Variants in UVRAG observed in about 807,000 individuals in gnomAD.
The protein encoded by UVRAG is UV radiation resistance-associated gene protein.
In UVRAG, 19 loss-of-function variants were observed where a neutral mutation model predicts 78.0. The ratio of observed to expected loss-of-function variants is 0.24; its 90% confidence interval spans 0.17 to 0.36. The LOEUF is 0.36. Among genes scored for constraint, UVRAG ranks in the 10% least tolerant of loss-of-function variants. UVRAG has a pLI of 1.00. For missense variants in UVRAG, 740 were observed against 853.8 expected (o/e 0.87, Z 1.66); for synonymous variants, 323 against 324.6 (o/e 1.00, Z 0.05).
intron 13 of UVRAG, among the ~76,000 whole-genome samples, chr11:76,092,508 T>C (rs1415040989): frequency 6.6e-6 from 1 of 152,246 alleles, no homozygotes; most frequent in Non-Finnish European, 1.5e-5. Context: ...TGTTGTTTCC[T>C]GACTTTTTAA....
intron 11 of UVRAG, among the ~76,000 whole-genome samples, chr11:76,010,877 A>C (rs1950038182): frequency 6.6e-6 from 1 of 152,112 alleles, no homozygotes; most frequent in Admixed American, 6.5e-5. Flanking sequence ...CACTATAAGG[A>C]GTTGATATTT....
intron 13 of UVRAG, among the ~76,000 whole-genome samples, chr11:76,091,241 C>T (rs1382184412): frequency 1.3e-5 from 2 of 152,076 alleles, no homozygotes; most frequent in African/African-American, 2.4e-5. Flanking sequence ...TTGATTCCCC[C>T]TTTTTGTATG....
chr11:75,964,696 T>C (rs1189781891), intron 7 of UVRAG, among the ~76,000 whole-genome samples: 1 of 152,128 alleles, frequency 6.6e-6, no homozygotes, highest in Non-Finnish European at 1.5e-5. Flanking sequence ...AGGTCAGGAG[T>C]TCGAGACCAG....
At chr11:76,103,957 TA>T (rs35753390) in intron 13 of UVRAG, among the ~76,000 whole-genome samples, 3,790 of 145,514 alleles carry the variant, frequency 0.026, 145 homozygotes, top group African/African-American at 0.086. Context: ...CTTCTCTGAT[TA>T]AAAAAAAAAA....
chr11:76,033,876 C>G (rs1361455909), intron 12 of UVRAG, among the ~76,000 whole-genome samples: 1 of 152,128 alleles, frequency 6.6e-6, no homozygotes, highest in African/African-American at 2.4e-5. Context: ...AAGAGAAACT[C>G]TCATCCTTTG....
chr11:75,973,904 C>T (rs1591080359), intron 7 of UVRAG, among the ~76,000 whole-genome samples: 3 of 152,336 alleles, frequency 2.0e-5, no homozygotes, highest in Admixed American at 2.0e-4. Context: ...TTTATGGCTG[C>T]ATAGTATTCC....
At chr11:75,930,943 C>CTTTCTTTCTTTCT (rs1244286444) in intron 6 of UVRAG, 45 of 144,820 alleles carry the variant, frequency 3.1e-4, no homozygotes, top group Non-Finnish European at 6.3e-4. Flanking sequence ...TTCTTTCTTT[C>CTTTCTTTCTTTCT]TTTCTTTCTT....
chr11:75,972,765 G>C lies in UVRAG; in HGVS notation c.700-10622G>C, dbSNP rs146450871. 3.2e-3 allele frequency among the ~76,000 whole-genome samples: 486 copies of C among 152,154 alleles called. 2 individuals carry two copies. The highest frequency in any genetic ancestry group is 0.011 in the African/African-American group (457 of 41,478). On this transcript the variant is annotated intron_variant, in intron 7 of 14. Coordinates refer to ENST00000356136, the MANE Select transcript of UVRAG (RefSeq NM_003369.4). ...GTCTTTTGCCTTTATATAAACTTTA[G>C]AATCAGTTTTGATATTAACAAAATA... is the stretch of plus-strand genomic sequence containing the variant.
At chr11:75,881,547 G>A (rs1286608814) in intron 4 of UVRAG, among the ~76,000 whole-genome samples, 1 of 152,204 alleles carries the variant, frequency 6.6e-6, no homozygotes, top group Admixed American at 6.5e-5. Flanking sequence ...CCCCCAAGCA[G>A]TTTCCAGCTT....
At chr11:76,058,029 CAT>C (rs1389396622) in intron 12 of UVRAG, among the ~76,000 whole-genome samples, 1 of 151,966 alleles carries the variant, frequency 6.6e-6, no homozygotes, top group Non-Finnish European at 1.5e-5. Flanking sequence ...TAACACTTAT[CAT>C]AGCCAACCAA....
intron 6 of UVRAG, among the ~76,000 whole-genome samples, chr11:75,919,663 C>T (rs975067314): frequency 2.6e-5 from 4 of 152,208 alleles, no homozygotes; most frequent in African/African-American, 9.7e-5. Flanking sequence ...AGCTAGCCAA[C>T]TTGGCCAAAG....
At chr11:75,958,436 T>A (rs1166941421) in intron 6 of UVRAG, among the ~76,000 whole-genome samples, 1 of 152,190 alleles carries the variant, frequency 6.6e-6, no homozygotes, top group Admixed American at 6.5e-5. Flanking sequence ...GAGTAGATTC[T>A]ATCTCAAAAA....
intron 12 of UVRAG, among the ~76,000 whole-genome samples, chr11:76,042,104 G>A (rs1950657111): frequency 6.6e-6 from 1 of 152,116 alleles, no homozygotes; most frequent in East Asian, 1.9e-4. Context: ...ATATAAAGAT[G>A]TTTAGTACAT....
chr11:75,943,246 C>A (rs1229099732), intron 6 of UVRAG, among the ~76,000 whole-genome samples: 1 of 150,446 alleles, frequency 6.6e-6, no homozygotes, highest in Non-Finnish European at 1.5e-5. Context: ...GGTTTTCAAC[C>A]TCTTATTGAG....
intron 14 of UVRAG, chr11:76,137,156 C>G (rs1388596587): frequency 5.9e-6 from 2 of 337,908 alleles, no homozygotes; most frequent in Non-Finnish European, 1.2e-5. Context: ...GCCCGCCACG[C>G]AAATCCTGTT....
At position 75,986,776 on chromosome 11, in the gene UVRAG, C is replaced by G. The variant is rs1160985498; in HGVS notation, c.826+3263C>G. ...CAGTTATTCCACACTTCCCCTCCCC[C>G]AGTTCTAAGTAACCACCCCCCTACC... On this transcript the variant is annotated intron_variant, in intron 8 of 14. Transcript: ENST00000356136. Among the ~76,000 whole-genome samples, 3 of 151,270 alleles carry G rather than the reference C, an allele frequency of 2.0e-5. No individual in the cohort carries two copies. The East Asian group carries it at 5.8e-4, about 29-fold the overall frequency.
intron 13 of UVRAG, among the ~76,000 whole-genome samples, chr11:76,081,512 G>C (rs1951493644): frequency 6.6e-6 from 1 of 152,032 alleles, no homozygotes; most frequent in South Asian, 2.1e-4. Flanking sequence ...ACCTGGCCAA[G>C]TTAGTCTCTA....
intron 1 of UVRAG, among the ~76,000 whole-genome samples, chr11:75,846,200 T>G (rs926606018): frequency 2.0e-5 from 3 of 152,140 alleles, no homozygotes; most frequent in Non-Finnish European, 4.4e-5. Flanking sequence ...CGAGAGCAGT[T>G]GAAGGATGAG....
At chr11:76,015,734 G>T (rs910108366) in intron 11 of UVRAG, among the ~76,000 whole-genome samples, 1 of 152,166 alleles carries the variant, frequency 6.6e-6, no homozygotes, top group Admixed American at 6.5e-5. Context: ...CCATAAGAAG[G>T]TAGTGCTTAC....
Sources: gnomAD v4.1 joint callset for allele counts (sites outside exome capture counted in the v4.1 genomes callset) on GRCh38, gnomAD v4.1.1 for gene constraint, MANE v1.5 for transcripts, NCBI Gene and HGNC (gene_info 2026-07-23, HGNC 2026-07-21) for gene names.